Variants in AP3S1 observed in about 807,000 individuals in gnomAD.
The protein encoded by AP3S1 is AP-3 complex subunit sigma-1.
A neutral mutation model predicts 21.3 loss-of-function variants in AP3S1; 12 were observed. The observed-to-expected ratio is 0.56, with a 90% CI of 0.36 to 0.91. AP3S1 has a LOEUF of 0.91. AP3S1 is among the 40% of genes least tolerant of loss of function. AP3S1 has a pLI of 0.01. For missense variants in AP3S1, 116 were observed against 225.0 expected (o/e 0.52, Z 3.10); for synonymous variants, 48 against 78.4 (o/e 0.61, Z 2.05).
rs138049777 is a variant in AP3S1, at chr5:115,863,189, G to A, written c.70-3481G>A. ...CCGAGGCGGGTGGATCACCTCGGTCGAGTTCAAGACCAGCCTGGCCAATAT... is the reference window on the plus strand; with the variant it reads ...CCGAGGCGGGTGGATCACCTCGGTCAAGTTCAAGACCAGCCTGGCCAATAT... On this transcript the variant is annotated intron_variant, in intron 1 of 5. Coordinates refer to ENST00000316788, the MANE Select transcript of AP3S1 (RefSeq NM_001284.4). Among the ~76,000 whole-genome samples, 772 of 152,040 alleles carry A rather than the reference G, an allele frequency of 5.1e-3. 2 individuals are homozygous for A. The highest frequency in any genetic ancestry group is 7.3e-3 in the South Asian group (35 of 4,826).
chr5:115,897,647 C>T (rs958243050), intron 4 of AP3S1, among the ~76,000 whole-genome samples: 1 of 151,244 alleles, frequency 6.6e-6, no homozygotes, highest in East Asian at 2.0e-4. Context: ...GCAAGCTCCA[C>T]CTCCCAGGTT....
At chr5:115,909,066 CTTA>C (rs1751889937) in intron 5 of AP3S1, 1 of 718,228 alleles carries the variant, frequency 1.4e-6, no homozygotes, top group Non-Finnish European at 1.7e-6. Flanking sequence ...CAACTACCAT[CTTA>C]TTATGCTGTA....
intron 1 of AP3S1, among the ~76,000 whole-genome samples, chr5:115,845,821 A>C (rs1463480505): frequency 8.3e-6 from 1 of 120,666 alleles, no homozygotes; most frequent in Non-Finnish European, 1.6e-5. Context: ...TGGGTGACAG[A>C]GTGAGACTCC....
chr5:115,865,659 A>C (rs2112824912), intron 1 of AP3S1, among the ~76,000 whole-genome samples: 1 of 152,188 alleles, frequency 6.6e-6, no homozygotes, highest in African/African-American at 2.4e-5. Flanking sequence ...GAGCTATCTC[A>C]TTGTTTTAAT....
At position 115,912,556 on chromosome 5, in the gene AP3S1, T is replaced by G. The variant is rs188540855; in HGVS notation, c.454-806T>G. Among the ~76,000 whole-genome samples, 613 of 152,212 alleles carry G rather than the reference T, an allele frequency of 4.0e-3. 6 individuals are homozygous for G. The highest frequency in any genetic ancestry group is 0.017 in the Middle Eastern group (5 of 294). On this transcript the variant is annotated intron_variant, in intron 5 of 5. Transcript: ENST00000316788. ...AATATTATGCACTAGTGGTACTTAC[T>G]GGAAATTTTAGAATTCATTTATTTA...
At chr5:115,859,701 T>C (rs1164852908) in intron 1 of AP3S1, among the ~76,000 whole-genome samples, 1 of 152,190 alleles carries the variant, frequency 6.6e-6, no homozygotes, top group African/African-American at 2.4e-5. Flanking sequence ...GGGAACTAGA[T>C]TTTAGTGAAC....
chr5:115,874,401 T>C lies in AP3S1; in HGVS notation c.273+4273T>C, dbSNP rs373109413. On this transcript the variant is annotated intron_variant, in intron 3 of 5. Coordinates refer to ENST00000316788, the MANE Select transcript of AP3S1 (RefSeq NM_001284.4). Reference sequence around the variant, plus strand: ...GGGTTGAGTTATTTATAAGCAGTTGTATTGTCCTTAATTAGTTTATTATGC... The same window carrying C: ...GGGTTGAGTTATTTATAAGCAGTTGCATTGTCCTTAATTAGTTTATTATGC... Among the ~76,000 whole-genome samples, 34 of 152,254 alleles carry C rather than the reference T, an allele frequency of 2.2e-4. No individual in the cohort carries two copies. In the South Asian group the frequency reaches 6.8e-3, roughly 31 times the overall value.
chr5:115,878,221 A>T (rs1279144804), intron 3 of AP3S1, among the ~76,000 whole-genome samples: 2 of 151,938 alleles, frequency 1.3e-5, no homozygotes, highest in Non-Finnish European at 2.9e-5. Flanking sequence ...CCCATTTGTC[A>T]ATTTTGGCTT....
chr5:115,869,530 T>C (rs1422382885), intron 2 of AP3S1, among the ~76,000 whole-genome samples: 1 of 152,228 alleles, frequency 6.6e-6, no homozygotes, highest in African/African-American at 2.4e-5. Context: ...TGAAATGTCC[T>C]TTTAGTACTT....
chr5:115,901,904 T>G (rs1021038293), intron 4 of AP3S1, among the ~76,000 whole-genome samples: 5 of 152,196 alleles, frequency 3.3e-5, no homozygotes, highest in Non-Finnish European at 4.4e-5. Flanking sequence ...TAATACATAT[T>G]TAACTCCTAA....
In AP3S1 at chr5:115,897,733, TG is replaced by T. The variant is rs540969832; in HGVS notation, c.345+2576del. Among the ~76,000 whole-genome samples, 100 of 151,996 alleles carry T rather than the reference TG, an allele frequency of 6.6e-4. No individual in the cohort carries two copies. The South Asian group carries it at 0.011, about 17-fold the overall frequency. Reference sequence around the variant, plus strand: ...CGCCACCACGCCTGGCTAATTTTTTTGTATTTTTTTAGTAGAGATGGTATTT... The same window carrying T: ...CGCCACCACGCCTGGCTAATTTTTTTTATTTTTTTAGTAGAGATGGTATTT... On this transcript the variant is annotated intron_variant, in intron 4 of 5. Coordinates refer to ENST00000316788, the MANE Select transcript of AP3S1 (RefSeq NM_001284.4).
At chr5:115,861,736 A>G (rs1423852960) in intron 1 of AP3S1, among the ~76,000 whole-genome samples, 1 of 151,744 alleles carries the variant, frequency 6.6e-6, no homozygotes, top group Non-Finnish European at 1.5e-5. Context: ...TTGTAGAGAC[A>G]GGGTTTTGCC....
intron 3 of AP3S1, among the ~76,000 whole-genome samples, chr5:115,888,285 A>G (rs1347120146): frequency 2.0e-5 from 3 of 152,072 alleles, no homozygotes; most frequent in Non-Finnish European, 4.4e-5. Flanking sequence ...ATAATAATGC[A>G]ACAGCAATTT....
rs765582125 is a variant in AP3S1 at position 115,866,778 on chromosome 5, A to G, written c.161+17A>G. The G allele has an allele frequency of 2.6e-6, 4 of 1,530,110 alleles. No individual in the cohort carries two copies. Among genetic ancestry groups the G allele is most frequent in the African/African-American group, 1.4e-5 (1 of 72,644 alleles). The allele number at this position is 1,530,110 out of a possible 1,614,324, so 94.8% of individuals were successfully genotyped here. ...AGGAGGATTGTAAGTAAAGCATTTC[A>G]TAGACATTTCTAAGTTTTGACTATG... On this transcript the variant is annotated intron_variant, in intron 2 of 5. Coordinates refer to ENST00000316788, the MANE Select transcript of AP3S1 (RefSeq NM_001284.4).
intron 3 of AP3S1, among the ~76,000 whole-genome samples, chr5:115,883,533 C>T (rs977229065): frequency 6.6e-5 from 10 of 152,186 alleles, no homozygotes; most frequent in African/African-American, 2.4e-4. Flanking sequence ...GTTGGCTACA[C>T]TCGCTATCTC....
At chr5:115,845,607 G>A (rs1243201570) in intron 1 of AP3S1, among the ~76,000 whole-genome samples, 1 of 152,062 alleles carries the variant, frequency 6.6e-6, no homozygotes, top group Non-Finnish European at 1.5e-5. Flanking sequence ...GCCAAGGCAG[G>A]CGGATCACCT....
At chr5:115,873,417 T>TA in intron 3 of AP3S1, among the ~76,000 whole-genome samples, 1 of 152,326 alleles carries the variant, frequency 6.6e-6, no homozygotes, top group East Asian at 1.9e-4. Context: ...TTCCGATTAC[T>TA]AAAGTAGGCT....
At chr5:115,906,850 C>T (rs979360554) in intron 5 of AP3S1, 29 of 1,520,816 alleles carry the variant, frequency 1.9e-5, no homozygotes, top group Non-Finnish European at 2.5e-5. Flanking sequence ...CCAGACAGGA[C>T]AGGTAGACAA....
intron 3 of AP3S1, among the ~76,000 whole-genome samples, chr5:115,874,660 A>G (rs1257750099): frequency 1.3e-5 from 2 of 152,160 alleles, no homozygotes; most frequent in Non-Finnish European, 2.9e-5. Context: ...AATATTTGTT[A>G]TTATTACAGT....
Sources: allele counts gnomAD v4.1 joint callset (sites outside exome capture counted in the v4.1 genomes callset), GRCh38; gene constraint gnomAD v4.1.1; transcripts MANE v1.5; gene names NCBI Gene and HGNC (gene_info 2026-07-23, HGNC 2026-07-21).